The following NHSL1 variants were observed in gnomAD, a reference collection of about 807,000 sequenced individuals.
The protein encoded by NHSL1 is NHS-like protein 1.
Under a neutral mutation model 95.0 loss-of-function variants are expected in NHSL1, and 48 were observed. The observed-to-expected ratio is 0.51, with a 90% CI of 0.40 to 0.64. The LOEUF is 0.64. NHSL1 is among the 30% of genes least tolerant of loss of function. NHSL1 has a pLI of 0.00. For missense variants in NHSL1, 1,971 were observed against 2,077.7 expected, an observed-to-expected ratio of 0.95 and a Z score of 1.00; for synonymous variants, 783 against 833.9, an observed-to-expected ratio of 0.94 and a Z score of 1.05.
At chr6:138,522,590 G>A (rs1781728595) in intron 1 of NHSL1, among the ~76,000 whole-genome samples, 1 of 152,152 alleles carries the variant, frequency 6.6e-6, no homozygotes. Flanking sequence ...GCAGTGAGCC[G>A]AGATCACGCC....
At chr6:138,438,250 C>G (rs895466873) in intron 5 of NHSL1, among the ~76,000 whole-genome samples, 3 of 152,184 alleles carry the variant, frequency 2.0e-5, no homozygotes, top group African/African-American at 7.2e-5. Context: ...CAGCAGCCAT[C>G]AAATTTGAGG....
Position 138,675,524 on chromosome 6 carries a change from ATTATTTATTTAT to A in NHSL1, c.96+16940_96+16951del, listed in dbSNP as rs573613191. On this transcript the variant is annotated intron_variant, in intron 1 of 3. Coordinates refer to the NHSL1 transcript ENST00000491526. ...TCATTTTCCCACAGAAAATTCTTACATTATTTATTTATTTATTTATTTATTTTTGAGACAGAG... is the reference window on the plus strand; with the variant it reads ...TCATTTTCCCACAGAAAATTCTTACATTATTTATTTATTTTTGAGACAGAG... Among the ~76,000 whole-genome samples, 1,136 of 151,850 alleles carry A rather than the reference ATTATTTATTTAT, an allele frequency of 7.5e-3. 11 individuals carry two copies. The highest frequency in any genetic ancestry group is 0.012 in the South Asian group (56 of 4,792).
intron 1 of NHSL1, among the ~76,000 whole-genome samples, chr6:138,505,030 T>C (rs1201370560): frequency 6.6e-6 from 1 of 152,214 alleles, no homozygotes; most frequent in African/African-American, 2.4e-5. Context: ...TCATTATTTT[T>C]ATGAAGGCCA....
At chr6:138,522,922 T>G (rs1427598722) in intron 1 of NHSL1, among the ~76,000 whole-genome samples, 1 of 152,214 alleles carries the variant, frequency 6.6e-6, no homozygotes, top group African/African-American at 2.4e-5. Flanking sequence ...TTTAACAATC[T>G]GGGTTAATGA....
At chr6:138,541,797 A>T (rs905725922) in intron 1 of NHSL1, among the ~76,000 whole-genome samples, 2 of 152,230 alleles carry the variant, frequency 1.3e-5, no homozygotes, top group African/African-American at 4.8e-5. Context: ...ATGGGTATGT[A>T]CATTTTCAAC....
At chr6:138,450,330 A>C (rs1000795203) in intron 3 of NHSL1, among the ~76,000 whole-genome samples, 4 of 152,244 alleles carry the variant, frequency 2.6e-5, no homozygotes, top group African/African-American at 9.6e-5. Flanking sequence ...ATACACATAA[A>C]TATAATTTTT....
At chr6:138,651,866 C>T (rs1349536761) in intron 1 of NHSL1, among the ~76,000 whole-genome samples, 1 of 152,102 alleles carries the variant, frequency 6.6e-6, no homozygotes, top group Non-Finnish European at 1.5e-5. Flanking sequence ...TATGATTAGA[C>T]TGAATATGTA....
chr6:138,546,122 T>TC (rs1202288369), upstream of NHSL1, among the ~76,000 whole-genome samples: 23 of 152,188 alleles, frequency 1.5e-4, no homozygotes, highest in Admixed American at 1.5e-3. Context: ...CCCTTTTTTT[T>TC]CTAATATAGA....
intron 1 of NHSL1, among the ~76,000 whole-genome samples, chr6:138,658,388 A>G (rs1357848503): frequency 6.6e-6 from 1 of 152,116 alleles, no homozygotes; most frequent in Non-Finnish European, 1.5e-5. Context: ...ACACCATTGT[A>G]CTCTGTAGAA....
intron 1 of NHSL1, among the ~76,000 whole-genome samples, chr6:138,525,472 G>A (rs1050255478): frequency 7.9e-5 from 12 of 151,428 alleles, no homozygotes; most frequent in Non-Finnish European, 1.6e-4. Flanking sequence ...AGGATGTAGT[G>A]AGCTGAAATC....
chr6:138,439,919 A>C (rs1776423359), intron 5 of NHSL1, among the ~76,000 whole-genome samples: 1 of 152,240 alleles, frequency 6.6e-6, no homozygotes, highest in South Asian at 2.1e-4. Context: ...TGATTTATCT[A>C]GCTGGCCAGA....
intron 1 of NHSL1, among the ~76,000 whole-genome samples, chr6:138,676,063 A>T (rs138580055): frequency 1.3e-3 from 196 of 152,340 alleles, no homozygotes; most frequent in African/African-American, 4.5e-3. Context: ...AACCCAACTA[A>T]GCAAAACCCT....
chr6:138,455,683 C>A (rs1439028011), intron 3 of NHSL1, among the ~76,000 whole-genome samples: 3 of 152,186 alleles, frequency 2.0e-5, no homozygotes, highest in Non-Finnish European at 4.4e-5. Context: ...TTTCATGGGG[C>A]TGTTTGTGGA....
At chr6:138,529,429 G>A (rs770350193) in intron 1 of NHSL1, among the ~76,000 whole-genome samples, 1 of 152,112 alleles carries the variant, frequency 6.6e-6, no homozygotes, top group African/African-American at 2.4e-5. Context: ...ATGTTGCCTC[G>A]GATGAGAGCC....
intron 1 of NHSL1, among the ~76,000 whole-genome samples, chr6:138,565,450 T>C (rs1254915729): frequency 6.6e-6 from 1 of 151,658 alleles, no homozygotes; most frequent in Non-Finnish European, 1.5e-5. Flanking sequence ...CAGTGTAGAC[T>C]CATGGATGGA....
chr6:138,433,732 C>A (rs1332241916), intron 5 of NHSL1, 52 bp from the exon 6 acceptor site: 3 of 1,465,570 alleles, frequency 2.0e-6, no homozygotes, highest in African/African-American at 2.8e-5. Flanking sequence ...ATCCATAGTT[C>A]ATCACGTGTA....
intron 3 of NHSL1, among the ~76,000 whole-genome samples, chr6:138,465,384 CCTAA>C (rs1201089087): frequency 6.6e-6 from 1 of 152,186 alleles, no homozygotes; most frequent in African/African-American, 2.4e-5. Flanking sequence ...GCCACCATCT[CCTAA>C]CTAACTCCCT....
chr6:138,502,184 A>G (rs961500903), upstream of NHSL1, among the ~76,000 whole-genome samples: 2 of 152,194 alleles, frequency 1.3e-5, no homozygotes, highest in Non-Finnish European at 2.9e-5. Context: ...CAGGAAATAA[A>G]CCAAATAAAC....
intron 1 of NHSL1, among the ~76,000 whole-genome samples, chr6:138,561,495 C>T (rs1184047860): frequency 1.3e-5 from 2 of 152,194 alleles, no homozygotes; most frequent in Non-Finnish European, 2.9e-5. Context: ...TTCCACTAAT[C>T]CTAATGAGCT....
Sources: allele counts gnomAD v4.1 joint callset (sites outside exome capture counted in the v4.1 genomes callset), GRCh38; gene constraint gnomAD v4.1.1; transcripts MANE v1.5; gene names NCBI Gene and HGNC (gene_info 2026-07-23, HGNC 2026-07-21).